The following ZNF407 variants were observed in gnomAD, a reference collection of about 807,000 sequenced individuals.
ZNF407 encodes the protein zinc finger protein 407.
A neutral mutation model predicts 131.2 loss-of-function variants in ZNF407; 17 were observed. The ratio of observed to expected loss-of-function variants is 0.13; its 90% CI spans 0.09 to 0.19. ZNF407 has a LOEUF of 0.19. Ranked by LOEUF, ZNF407 falls within the 10% of genes least tolerant of loss-of-function variation. The pLI is 1.00. For missense variants in ZNF407, 2,681 were observed against 2,830.6 expected (o/e 0.95, Z 1.20); for synonymous variants, 1,156 against 1,062.0 (o/e 1.09, Z -1.72).
At chr18:75,015,199 G>A (rs1414329745) in intron 8 of ZNF407, among the ~76,000 whole-genome samples, 1 of 151,964 alleles carries the variant, frequency 6.6e-6, no homozygotes, top group Non-Finnish European at 1.5e-5. Flanking sequence ...GAAATATAAG[G>A]CAATAAATAT....
At chr18:74,779,106 TA>T (rs1327135562) in intron 3 of ZNF407, among the ~76,000 whole-genome samples, 3 of 49,550 alleles carry the variant, frequency 6.1e-5, no homozygotes, top group African/African-American at 2.3e-4. Flanking sequence ...TATATATATA[TA>T]TATTTTTTTT....
At position 74,787,548 on chromosome 18, in the gene ZNF407, C is replaced by G. The variant is rs910410952; in HGVS notation, c.4877+6046C>G. ...GGTGGAGAGCCTTCTCTTCAAGCTT[C>G]TCTCTTGGTTGGGTTCCTCAGCTCT... On this transcript the variant is annotated intron_variant, in intron 4 of 8. Coordinates refer to ENST00000299687, the MANE Select transcript of ZNF407 (RefSeq NM_017757.3). Among the ~76,000 whole-genome samples, 2 of 152,166 alleles carry G rather than the reference C, an allele frequency of 1.3e-5. 1 individual carries two copies. Among genetic ancestry groups the G allele is most frequent in the South Asian group, 4.1e-4 (2 of 4,830 alleles).
At chr18:74,915,321 AGTGTGT>A (rs5826357) in intron 7 of ZNF407, among the ~76,000 whole-genome samples, 4,470 of 133,102 alleles carry the variant, frequency 0.034, 211 homozygotes, top group African/African-American at 0.11. Context: ...TCGAATCGGG[AGTGTGT>A]GTGTGTGTGT....
intron 3 of ZNF407, among the ~76,000 whole-genome samples, chr18:74,742,704 A>G (rs374963606): frequency 3.3e-5 from 5 of 152,272 alleles, no homozygotes; most frequent in Admixed American, 6.5e-5. Context: ...GCAGTAGCTC[A>G]AAGTATCCAT....
At chr18:75,023,446 T>C (rs1973135244) in intron 8 of ZNF407, among the ~76,000 whole-genome samples, 3 of 152,288 alleles carry the variant, frequency 2.0e-5, no homozygotes, top group Non-Finnish European at 4.4e-5. Context: ...GTATATTACA[T>C]GTAATATAAC....
chr18:74,912,051 C>T (rs1310999869), intron 7 of ZNF407, among the ~76,000 whole-genome samples: 5 of 152,114 alleles, frequency 3.3e-5, no homozygotes, highest in South Asian at 4.2e-4. Flanking sequence ...GTAGTGAGGC[C>T]GATGCATGGA....
chr18:74,640,790 T>C (rs187539251), intron 2 of ZNF407, among the ~76,000 whole-genome samples: 104 of 152,252 alleles, frequency 6.8e-4, no homozygotes, highest in Non-Finnish European at 1.3e-3. Flanking sequence ...CTTAGGATTG[T>C]TAGTGGAAGT....
At chr18:74,598,956 C>T (rs1421948580) in intron 1 of ZNF407, among the ~76,000 whole-genome samples, 2 of 152,216 alleles carry the variant, frequency 1.3e-5, no homozygotes, top group African/African-American at 4.8e-5. Context: ...TAAGTAATTA[C>T]AGTCTTAATA....
intron 8 of ZNF407, among the ~76,000 whole-genome samples, chr18:75,059,046 TG>T (rs1973594595): frequency 6.6e-6 from 1 of 152,218 alleles, no homozygotes; most frequent in South Asian, 2.1e-4. Context: ...ATGGACTCGC[TG>T]GGCCTGTGCG....
At chr18:74,746,425 T>A (rs936595886) in intron 3 of ZNF407, among the ~76,000 whole-genome samples, 1 of 152,186 alleles carries the variant, frequency 6.6e-6, no homozygotes, top group Non-Finnish European at 1.5e-5. Flanking sequence ...TTATGAACTA[T>A]TTTTTAAAGT....
At chr18:74,626,628 A>G (rs1391935540) in intron 1 of ZNF407, among the ~76,000 whole-genome samples, 3 of 152,202 alleles carry the variant, frequency 2.0e-5, no homozygotes, top group Non-Finnish European at 4.4e-5. Context: ...TTGTAATAGC[A>G]ACAAAAGGAA....
At chr18:74,874,906 G>GC (rs993164756) in intron 4 of ZNF407, among the ~76,000 whole-genome samples, 34 of 152,244 alleles carry the variant, frequency 2.2e-4, no homozygotes, top group African/African-American at 7.9e-4. Flanking sequence ...CTGCTGTCCA[G>GC]CCAGAACACA....
chr18:74,697,972 C>T (rs1238585465), intron 3 of ZNF407, among the ~76,000 whole-genome samples: 3 of 152,110 alleles, frequency 2.0e-5, no homozygotes, highest in Non-Finnish European at 2.9e-5. Context: ...ATACAAACAG[C>T]ACAGAAGAAA....
chr18:75,018,242 A>T (rs1973068091), intron 8 of ZNF407, among the ~76,000 whole-genome samples: 1 of 152,082 alleles, frequency 6.6e-6, no homozygotes, highest in Admixed American at 6.5e-5. Context: ...TGATTTTCAA[A>T]ATATAATAAA....
intron 8 of ZNF407, among the ~76,000 whole-genome samples, chr18:75,015,945 G>T (rs1174939347): frequency 6.6e-6 from 1 of 151,912 alleles, no homozygotes; most frequent in African/African-American, 2.4e-5. Flanking sequence ...GTATCTACTG[G>T]CAAGAAATAA....
chr18:75,034,875 C>T (rs1260939285), intron 8 of ZNF407, among the ~76,000 whole-genome samples: 3 of 152,174 alleles, frequency 2.0e-5, no homozygotes, highest in Non-Finnish European at 4.4e-5. Flanking sequence ...AATGTATACA[C>T]TTTAGATTCC....
At chr18:74,936,003 A>G (rs1008753893) in intron 8 of ZNF407, among the ~76,000 whole-genome samples, 6 of 152,232 alleles carry the variant, frequency 3.9e-5, no homozygotes, top group Non-Finnish European at 8.8e-5. Context: ...ATCATGATCC[A>G]GAACTCAATC....
At chr18:74,885,251 G>A (rs1409891399) in intron 6 of ZNF407, among the ~76,000 whole-genome samples, 1 of 152,080 alleles carries the variant, frequency 6.6e-6, no homozygotes, top group African/African-American at 2.4e-5. Context: ...GCATCTGTTT[G>A]TCAATTGTTT....
chr18:74,706,638 A>G (rs1214090370), intron 3 of ZNF407, among the ~76,000 whole-genome samples: 2 of 152,208 alleles, frequency 1.3e-5, no homozygotes, highest in Admixed American at 6.5e-5. Flanking sequence ...CAGCAACAAA[A>G]ACAATGTGAG....
Sources: gnomAD v4.1 joint callset for allele counts (sites outside exome capture counted in the v4.1 genomes callset) on GRCh38, gnomAD v4.1.1 for gene constraint, MANE v1.5 for transcripts, NCBI Gene and HGNC (gene_info 2026-07-23, HGNC 2026-07-21) for gene names.